Variants in MYH10 observed in about 807,000 individuals in gnomAD.
The protein encoded by MYH10 is myosin heavy chain 10.
MYH10 carries 55 observed loss-of-function variants against 257.8 expected under a neutral mutation model. That is an observed-to-expected ratio of 0.21 (90% CI 0.17 to 0.27). The LOEUF (loss-of-function observed/expected upper bound fraction) is 0.27, where lower values mean the gene tolerates loss of function less well. Among genes scored for constraint, MYH10 ranks in the 10% least tolerant of loss-of-function variants. MYH10 has a pLI of 1.00. For synonymous variants in MYH10, 854 were observed against 921.7 expected (o/e 0.93, Z 1.33); for missense variants, 1,631 against 2,500.6 (o/e 0.65, Z 7.42).
chr17:8,512,771 A>G lies in MYH10; in HGVS notation c.2746-114T>C, dbSNP rs58865811. 0.015 allele frequency: 12,184 copies of G among 791,836 alleles called. 961 individuals carry two copies. In the African/African-American group the frequency reaches 0.18, roughly 12 times the overall value. The allele number at this position is 791,836 out of a possible 1,614,324, so 49.1% of individuals were successfully genotyped here. ...CAAAGAAACTGGGAGATAAAAATATATAACATCACGGGAAGAACTTTCAAA... is the reference window on the plus strand; with the variant it reads ...CAAAGAAACTGGGAGATAAAAATATGTAACATCACGGGAAGAACTTTCAAA... On this transcript the variant is annotated intron_variant, in intron 23 of 42. Coordinates refer to ENST00000360416, the MANE Select transcript of MYH10 (RefSeq NM_001256012.3).
rs776844552 is a variant in MYH10, at chr17:8,513,687, AG to A, written c.2614-19del. On this transcript the variant is annotated intron_variant, in intron 22 of 42. Transcript: ENST00000360416. ...GGCTTCACCTATGACAAAATTAAGC[AG>A]TTTTTTTTTTTTTATCATTCCAGCT... The A allele has an allele frequency of 1.0e-4, 159 of 1,554,600 alleles. 1 individual carries two copies. In the African/African-American group the frequency reaches 2.5e-3, roughly 24 times the overall value.
At chr17:8,509,737 A>G (rs1237461385) in intron 25 of MYH10, 75 bp downstream of exon 25, 2 of 1,355,748 alleles carry the variant, frequency 1.5e-6, no homozygotes, top group East Asian at 2.7e-5. Context: ...TTCACTTTCA[A>G]TGAGTGTATC....
Position 8,500,712 on chromosome 17 carries a change from T to C in MYH10, c.3744+114A>G. On this transcript the variant is annotated intron_variant, in intron 29 of 42. Coordinates refer to ENST00000360416, the MANE Select transcript of MYH10 (RefSeq NM_001256012.3). ...GTACCCAGCAGCCCACTCAGTGACG[T>C]ACAGAGGCTGGAGCCTAATCAATAC... 3 of 1,319,862 alleles carry C rather than the reference T, an allele frequency of 2.3e-6. 1 individual carries two copies. The highest frequency in any genetic ancestry group is 3.1e-6 in the Non-Finnish European group (3 of 978,592). The allele number at this position is 1,319,862 out of a possible 1,614,324, so 81.8% of individuals were successfully genotyped here. A position where few individuals can be genotyped will look rare whatever the true frequency, so the allele number is the denominator to read the frequency against.
intron 25 of MYH10, 107 bp from the exon 26 acceptor site, chr17:8,508,784 C>A: frequency 7.6e-7 from 1 of 1,320,580 alleles, no homozygotes; most frequent in Non-Finnish European, 1.1e-6. Flanking sequence ...TAAGTTCTAT[C>A]GGCACTGCCT....
chr17:8,538,898 G>A (rs1435596678), intron 14 of MYH10, among the ~76,000 whole-genome samples: 9 of 152,302 alleles, frequency 5.9e-5, no homozygotes, highest in South Asian at 4.1e-4. Flanking sequence ...TAATGCAGCC[G>A]TGTTGAGAGA....
chr17:8,495,969 A>G (rs762738917), intron 30 of MYH10, among the ~76,000 whole-genome samples: 4 of 152,182 alleles, frequency 2.6e-5, no homozygotes, highest in Non-Finnish European at 5.9e-5. Flanking sequence ...CCGGCCTCCC[A>G]AAGTGCTGGG....
rs183231204 is a variant in MYH10, at chr17:8,569,848, T to G, written c.664-36A>C. ...TTACACACACACAAATAAAAGCAGA[T>G]GTACGTTAATCTAATGTCTTTACTC... On this transcript the variant is annotated intron_variant, in intron 6 of 42. Coordinates refer to ENST00000360416, the MANE Select transcript of MYH10 (RefSeq NM_001256012.3). This position sits in a 1 kb window ranked among gnomAD's most constrained non-coding sequence, Gnocchi z 4.1. 2.0e-6 allele frequency: 3 copies of G among 1,483,748 alleles called. No individual in the cohort carries two copies. The highest frequency in any genetic ancestry group is 2.8e-6 in the Non-Finnish European group (3 of 1,079,902). 91.9% of individuals were successfully genotyped at this position (1,483,748 alleles called of 1,614,324 possible).
At chr17:8,498,683 TA>T (rs1328850047) in intron 30 of MYH10, among the ~76,000 whole-genome samples, 4 of 151,820 alleles carry the variant, frequency 2.6e-5, no homozygotes, top group South Asian at 2.1e-4. Flanking sequence ...CCGTCTCTAC[TA>T]AAAAATTCAA....
At chr17:8,550,169 C>T (rs1269264821) in intron 9 of MYH10, among the ~76,000 whole-genome samples, 1 of 150,514 alleles carries the variant, frequency 6.6e-6, no homozygotes, top group East Asian at 2.0e-4. Flanking sequence ...ATGTGAGGAG[C>T]CCCTCTGCCT....
intron 9 of MYH10, 62 bp downstream of exon 9, chr17:8,551,984 C>CA (rs1191664642): frequency 8.2e-4 from 794 of 973,220 alleles, no homozygotes; most frequent in South Asian, 1.1e-3. Context: ...TGTTTTTTCT[C>CA]AAAAAAAAAT....
Position 8,545,917 on chromosome 17 carries a change from A to G in MYH10, c.1279-317T>C, listed in dbSNP as rs2082428536. ...GTACTTTCTCTCTGCTGTACCACCC[A>G]GCACAAGGACAAGGCGGCAGGGGCC... is the stretch of plus-strand genomic sequence containing the variant. On this transcript the variant is annotated intron_variant, in intron 12 of 42. Coordinates refer to ENST00000360416, the MANE Select transcript of MYH10 (RefSeq NM_001256012.3). The surrounding 1 kb of genome is among the most constrained non-coding windows in gnomAD (Gnocchi z 4.7). Among the ~76,000 whole-genome samples the G allele has an allele frequency of 6.6e-6, 1 of 152,172 alleles. No individual in the cohort carries two copies. Among genetic ancestry groups the G allele is most frequent in the South Asian group, 2.1e-4 (1 of 4,836 alleles).
At chr17:8,620,736 A>T (rs1363818121) in intron 2 of MYH10, among the ~76,000 whole-genome samples, 4 of 152,174 alleles carry the variant, frequency 2.6e-5, no homozygotes, top group African/African-American at 9.7e-5. Context: ...CCTCTTAACG[A>T]CACAGACTTC....
rs951660022 is a variant in MYH10 at position 8,608,940 on chromosome 17, A to G, written c.346-3958T>C. 2.6e-5 allele frequency among the ~76,000 whole-genome samples: 4 copies of G among 151,706 alleles called. No homozygotes were observed. In the East Asian group the frequency reaches 7.8e-4, roughly 29 times the overall value. ...ATTCTCCTGCATCAGCCTTCCGCGT[A>G]GCTGGGACTACAGGCGCCTGCCACC... On this transcript the variant is annotated intron_variant, in intron 2 of 42. Transcript: ENST00000360416.
At position 8,499,251 on chromosome 17, in the gene MYH10, G is replaced by A. The variant is rs202167388; in HGVS notation, c.3951+19C>T. ...CATGCTACAGTGGGACGTGTGTAGAGCGGAGGTTTCTGGCTTACCTGCAGC... is the reference window on the plus strand; with the variant it reads ...CATGCTACAGTGGGACGTGTGTAGAACGGAGGTTTCTGGCTTACCTGCAGC... On this transcript the variant is annotated intron_variant, in intron 30 of 42. Coordinates refer to ENST00000360416, the MANE Select transcript of MYH10 (RefSeq NM_001256012.3). 8 of 1,571,120 alleles carry A rather than the reference G, an allele frequency of 5.1e-6. No individual in the cohort carries two copies. In the East Asian group the frequency reaches 1.4e-4, roughly 27 times the overall value.
chr17:8,509,750 CATA>C, intron 25 of MYH10, 59 bp downstream of exon 25: 1 of 1,487,730 alleles, frequency 6.7e-7, no homozygotes, highest in South Asian at 1.3e-5. Context: ...AGTGTATCAA[CATA>C]ATATTATATA....
In MYH10 at chr17:8,504,646, T is replaced by C. The variant is rs199942577; in HGVS notation, c.3599+48A>G. 1.5e-4 allele frequency: 234 copies of C among 1,547,080 alleles called. 1 individual carries two copies. The African/African-American group carries it at 2.9e-3, about 19-fold the overall frequency. On this transcript the variant is annotated intron_variant, in intron 28 of 42. Transcript: ENST00000360416. The surrounding 1 kb of genome is among the most constrained non-coding windows in gnomAD (Gnocchi z 5.6). ...ACCAGGCATTTCTGCACGGGCTCGG[T>C]GGAGAGGTCGGCAGGCGCCCGGGCC...
rs2081027066 is a variant in MYH10, at chr17:8,504,966, C to T, written c.3387-60G>A. ...GATGGCACCCGGATGGCCTGTTTCT[C>T]AGGCGAGCCCCAGCCCCTGAGCACC... On this transcript the variant is annotated intron_variant, in intron 27 of 42. Transcript: ENST00000360416. The surrounding 1 kb of genome is among the most constrained non-coding windows in gnomAD (Gnocchi z 5.6). The T allele has an allele frequency of 6.9e-7, 1 of 1,443,362 alleles. No individual in the cohort carries two copies. The highest frequency in any genetic ancestry group is 9.7e-7 in the Non-Finnish European group (1 of 1,031,494). 89.4% of individuals were successfully genotyped at this position (1,443,362 alleles called of 1,614,324 possible). A position where few individuals can be genotyped will look rare whatever the true frequency, so the allele number is the denominator to read the frequency against.
At position 8,521,013 on chromosome 17, in the gene MYH10, C is replaced by CTATT; in HGVS notation, c.2152-15_2152-14insAATA. 6.2e-7 allele frequency: 1 copy of CTATT among 1,609,620 alleles called. No homozygotes were observed. The highest frequency in any genetic ancestry group is 8.5e-7 in the Non-Finnish European group (1 of 1,176,508). On this transcript the variant is annotated splice_polypyrimidine_tract_variant and intron_variant, in intron 18 of 42. Transcript: ENST00000360416. ...CAATTTTCCAGCCTAATCAAGCAAA[C>CTATT]AATAGTTTCATGGTTTAATCTTTAG...
At chr17:8,527,200 C>T (rs2081873905) in intron 17 of MYH10, among the ~76,000 whole-genome samples, 1 of 152,204 alleles carries the variant, frequency 6.6e-6, no homozygotes, top group Non-Finnish European at 1.5e-5. Context: ...GGTTACATAA[C>T]TAGTTGCTAG....
Sources: gnomAD v4.1 joint callset for allele counts (sites outside exome capture counted in the v4.1 genomes callset) on GRCh38, gnomAD v4.1.1 for gene constraint, Gnocchi (gnomAD v3.1) non-coding constraint, MANE v1.5 for transcripts, NCBI Gene and HGNC (gene_info 2026-07-23, HGNC 2026-07-21) for gene names.